ACVR1: variants seen among roughly 807,000 people sequenced by gnomAD.
ACVR1 encodes activin receptor type-1.
A neutral mutation model predicts 57.1 loss-of-function variants in ACVR1; 38 were observed. The observed-to-expected ratio is 0.67, with a 90% CI of 0.51 to 0.87. The LOEUF is 0.87. Ranked by LOEUF, ACVR1 falls within the 40% of genes least tolerant of loss-of-function variation. The pLI is 0.00. For missense variants in ACVR1, 463 were observed against 638.2 expected, an observed-to-expected ratio of 0.73 and a Z score of 2.96; for synonymous variants, 212 against 228.1, an observed-to-expected ratio of 0.93 and a Z score of 0.63.
chr2:157,868,167 C>A (rs1329529315), intron 1 of ACVR1, among the ~76,000 whole-genome samples: 1 of 152,116 alleles, frequency 6.6e-6, no homozygotes, highest in Non-Finnish European at 1.5e-5. Context: ...TCCCAGGACA[C>A]ATAGTCTGAG....
chr2:157,822,504 A>C (rs1047168579), intron 1 of ACVR1, among the ~76,000 whole-genome samples: 1 of 152,242 alleles, frequency 6.6e-6, no homozygotes. Flanking sequence ...TTTCTCCAGA[A>C]TATATTCTTC....
intron 2 of ACVR1, among the ~76,000 whole-genome samples, chr2:157,800,796 T>C (rs1687295178): frequency 6.6e-6 from 1 of 152,154 alleles, no homozygotes; most frequent in African/African-American, 2.4e-5. Flanking sequence ...TCTTGGCCCC[T>C]CACAACCAGA....
intron 2 of ACVR1, among the ~76,000 whole-genome samples, chr2:157,805,813 CTT>C (rs1365895953): frequency 4.1e-5 from 4 of 96,886 alleles, no homozygotes; most frequent in South Asian, 4.2e-4. Flanking sequence ...TTTTTTTTTT[CTT>C]TTTTCTTTTT....
chr2:157,747,175 T>C (rs1013724640), intron 9 of ACVR1, among the ~76,000 whole-genome samples: 1 of 152,182 alleles, frequency 6.6e-6, no homozygotes, highest in Admixed American at 6.5e-5. Context: ...CAAAAATATA[T>C]ATTCTTTTAA....
chr2:157,812,647 G>C, intron 2 of ACVR1, among the ~76,000 whole-genome samples: 1 of 152,122 alleles, frequency 6.6e-6, no homozygotes, highest in East Asian at 1.9e-4. Flanking sequence ...CAAGTAACAA[G>C]CACTGTGCAT....
intron 3 of ACVR1, among the ~76,000 whole-genome samples, chr2:157,798,360 A>C (rs534146216): frequency 6.6e-6 from 1 of 152,206 alleles, no homozygotes; most frequent in Non-Finnish European, 1.5e-5. Flanking sequence ...GTAAGAGACC[A>C]CTTATGACAA....
intron 8 of ACVR1, among the ~76,000 whole-genome samples, chr2:157,761,410 G>A (rs573573225): frequency 1.3e-5 from 2 of 152,276 alleles, no homozygotes; most frequent in Admixed American, 6.5e-5. Flanking sequence ...TGTTAAATGT[G>A]AGCCTCTAAG....
At chr2:157,849,492 T>C (rs916404123) in intron 1 of ACVR1, among the ~76,000 whole-genome samples, 2 of 152,162 alleles carry the variant, frequency 1.3e-5, no homozygotes, top group Admixed American at 1.3e-4. Flanking sequence ...TTACAGAAAA[T>C]ATCCAAACAC....
intron 2 of ACVR1, among the ~76,000 whole-genome samples, chr2:157,814,986 G>C (rs774743683): frequency 1.3e-5 from 2 of 152,160 alleles, no homozygotes; most frequent in Non-Finnish European, 2.9e-5. Context: ...CTAATTGGGA[G>C]GCTGAGGCAG....
At chr2:157,835,428 G>T (rs1218412271) in intron 1 of ACVR1, among the ~76,000 whole-genome samples, 2 of 152,060 alleles carry the variant, frequency 1.3e-5, no homozygotes, top group African/African-American at 4.8e-5. Flanking sequence ...ACCATTAAAG[G>T]GTAAGTTATT....
intron 3 of ACVR1, among the ~76,000 whole-genome samples, chr2:157,790,795 T>C (rs1439502249): frequency 6.6e-6 from 1 of 152,198 alleles, no homozygotes; most frequent in Non-Finnish European, 1.5e-5. Context: ...TGCCACACTC[T>C]ATGATCCACT....
Position 157,766,222 on chromosome 2 carries a change from T to TA in ACVR1, c.791-27dup. On this transcript the variant is annotated intron_variant, in intron 7 of 10. Coordinates refer to ENST00000434821, the MANE Select transcript of ACVR1 (RefSeq NM_001111067.4). ...CTGGAGAGAGCAAGAAAAAAATTAA[T>TA]ATACATGAGGATTCCACATTATAAC... The TA allele has an allele frequency of 1.9e-6, 3 of 1,611,506 alleles. No individual in the cohort carries two copies. The South Asian group carries it at 3.3e-5, about 18-fold the overall frequency.
intron 1 of ACVR1, among the ~76,000 whole-genome samples, chr2:157,856,723 G>A (rs1166357938): frequency 1.3e-5 from 2 of 151,980 alleles, no homozygotes; most frequent in African/African-American, 4.8e-5. Flanking sequence ...ATGATTTCTG[G>A]TATCAAAAAA....
intron 9 of ACVR1, among the ~76,000 whole-genome samples, chr2:157,742,412 AG>A (rs1684808172): frequency 6.6e-6 from 1 of 152,210 alleles, no homozygotes; most frequent in Non-Finnish European, 1.5e-5. Context: ...AGACTGAGCC[AG>A]GCCTCGCCTC....
intron 1 of ACVR1, among the ~76,000 whole-genome samples, chr2:157,865,426 C>T (rs563120914): frequency 6.6e-6 from 1 of 152,304 alleles, no homozygotes; most frequent in African/African-American, 2.4e-5. Flanking sequence ...GCAAATATCC[C>T]TTGATTCAGC....
At chr2:157,814,848 C>T (rs910305766) in intron 2 of ACVR1, among the ~76,000 whole-genome samples, 2 of 152,158 alleles carry the variant, frequency 1.3e-5, no homozygotes, top group African/African-American at 4.8e-5. Flanking sequence ...CTTTGGGAGG[C>T]CGAGGTGGGT....
At chr2:157,782,286 C>T (rs1686551284) in intron 3 of ACVR1, among the ~76,000 whole-genome samples, 2 of 152,116 alleles carry the variant, frequency 1.3e-5, no homozygotes, top group East Asian at 3.8e-4. Context: ...AATTGACTTG[C>T]TAGTTCCTTT....
In ACVR1 at chr2:157,737,394, G is replaced by A. The variant is rs540607379; in HGVS notation, c.*137C>T. On this transcript the variant is annotated 3_prime_UTR_variant, in exon 11 of 11. Transcript: ENST00000434821. ...GTCTCCCCAACACATGGCTGGGTAC[G>A]ACGTCTGCCTTGTCAAAGCAGCCAT... is the stretch of plus-strand genomic sequence containing the variant. The A allele has an allele frequency of 6.5e-4, 758 of 1,161,046 alleles. 2 individuals carry two copies. The highest frequency in any genetic ancestry group is 1.2e-3 in the South Asian group (91 of 76,276). The allele number at this position is 1,161,046 out of a possible 1,614,324, so 71.9% of individuals were successfully genotyped here.
chr2:157,866,166 C>T (rs1021998684), intron 1 of ACVR1, among the ~76,000 whole-genome samples: 3 of 152,030 alleles, frequency 2.0e-5, no homozygotes, highest in African/African-American at 7.3e-5. Flanking sequence ...AAAACAAAAA[C>T]ACCAATTTGA....
Sources: gnomAD v4.1 joint callset for allele counts (sites outside exome capture counted in the v4.1 genomes callset) on GRCh38, gnomAD v4.1.1 for gene constraint, MANE v1.5 for transcripts, NCBI Gene and HGNC (gene_info 2026-07-23, HGNC 2026-07-21) for gene names.